The following NFIB variants were observed in gnomAD, a reference collection of about 807,000 sequenced individuals.
NFIB encodes the protein nuclear factor 1 B-type.
A neutral mutation model predicts 61.5 loss-of-function variants in NFIB; 11 were observed. The observed-to-expected ratio is 0.18, with a 90% confidence interval of 0.11 to 0.30. The LOEUF (loss-of-function observed/expected upper bound fraction) is 0.30. Ranked by LOEUF, NFIB falls within the 10% of genes least tolerant of loss-of-function variation. The pLI, the probability that NFIB is intolerant of heterozygous loss-of-function variation, is 1.00. For synonymous variants in NFIB, 260 were observed against 216.5 expected (o/e 1.20, Z -1.76); for missense variants, 471 against 608.9 (o/e 0.77, Z 2.38).
the NFIB span, among the ~76,000 whole-genome samples, chr9:14,465,615 C>G: frequency 6.9e-5 from 10 of 145,872 alleles, no homozygotes; most frequent in African/African-American, 2.7e-4. Flanking sequence ...ACACGCCCTA[C>G]CCCCTGCAGC....
chr9:14,500,533 AT>A, the NFIB span, among the ~76,000 whole-genome samples: 1 of 152,164 alleles, frequency 6.6e-6, no homozygotes, highest in Non-Finnish European at 1.5e-5. Context: ...ACACCCTCTT[AT>A]AAAGAGTCAC....
chr9:14,102,368 A>AG, intron 10 of NFIB: 1 of 1,431,984 alleles, frequency 7.0e-7, no homozygotes, highest in Non-Finnish European at 9.6e-7. Flanking sequence ...CAAACACTAT[A>AG]GCTCATGTAA....
chr9:14,299,207 T>C (rs765062423), intron 2 of NFIB, among the ~76,000 whole-genome samples: 3 of 152,192 alleles, frequency 2.0e-5, no homozygotes, highest in Non-Finnish European at 4.4e-5. Flanking sequence ...AGATTTTTTG[T>C]CCCAAGCTCT....
the NFIB span, among the ~76,000 whole-genome samples, chr9:14,423,328 G>C: frequency 6.6e-6 from 1 of 152,182 alleles, no homozygotes; most frequent in Non-Finnish European, 1.5e-5. Flanking sequence ...CTGTTTTCCT[G>C]TGTGCTCAGA....
intron 1 of NFIB, among the ~76,000 whole-genome samples, chr9:14,344,966 C>G (rs2061001629): frequency 6.6e-6 from 1 of 152,102 alleles, no homozygotes; most frequent in African/African-American, 2.4e-5. Context: ...TCCCACACCC[C>G]TACAGCCTAG....
At chr9:14,531,225 C>A in the NFIB span, among the ~76,000 whole-genome samples, 1 of 152,190 alleles carries the variant, frequency 6.6e-6, no homozygotes, top group African/African-American at 2.4e-5. Flanking sequence ...TCACCAATAT[C>A]CCTCCCTGAA....
chr9:14,115,620 TA>T (rs1357683375), intron 9 of NFIB, among the ~76,000 whole-genome samples: 2 of 151,356 alleles, frequency 1.3e-5, no homozygotes, highest in African/African-American at 2.4e-5. Flanking sequence ...CAAAAGGTTT[TA>T]AAAAAAAAGC....
the NFIB span, among the ~76,000 whole-genome samples, chr9:14,485,362 C>G: frequency 6.6e-6 from 1 of 152,148 alleles, no homozygotes; most frequent in East Asian, 1.9e-4. Flanking sequence ...ATTTTGTCCT[C>G]CAGCAAGATT....
chr9:14,317,962 A>C (rs1428430518), upstream of NFIB, among the ~76,000 whole-genome samples: 6 of 152,174 alleles, frequency 3.9e-5, no homozygotes, highest in Admixed American at 3.9e-4. Flanking sequence ...AAAGCTTCTG[A>C]TAGTATCAAA....
chr9:14,112,193 C>G (rs950464573), intron 10 of NFIB, among the ~76,000 whole-genome samples: 5 of 152,188 alleles, frequency 3.3e-5, no homozygotes, highest in Non-Finnish European at 7.3e-5. Context: ...AACTTGAGAG[C>G]AGCAAACATA....
chr9:14,319,221 G>A (rs1475461619), intron 1 of NFIB, among the ~76,000 whole-genome samples: 3 of 150,496 alleles, frequency 2.0e-5, no homozygotes, highest in African/African-American at 7.3e-5. Flanking sequence ...CACTAAGTGT[G>A]TCTACATTTC....
intron 2 of NFIB, among the ~76,000 whole-genome samples, chr9:14,194,953 T>TTC (rs144308047): frequency 0.016 from 2,472 of 150,520 alleles, 56 homozygotes; most frequent in African/African-American, 0.05. Context: ...CCAGCACACA[T>TTC]TCTCTCTCTC....
chr9:14,152,478 T>A (rs1393252694), intron 4 of NFIB, among the ~76,000 whole-genome samples: 1 of 152,062 alleles, frequency 6.6e-6, no homozygotes, highest in Admixed American at 6.6e-5. Context: ...GGGGCTCAAG[T>A]GAAGTAAACA....
At chr9:14,167,101 C>A (rs1302815046) in intron 3 of NFIB, among the ~76,000 whole-genome samples, 2 of 149,742 alleles carry the variant, frequency 1.3e-5, no homozygotes, top group Non-Finnish European at 3.0e-5. Context: ...GGGGGTTCCC[C>A]TTTTTAACAT....
upstream of NFIB, among the ~76,000 whole-genome samples, chr9:14,401,488 C>T (rs1170705354): frequency 6.6e-6 from 1 of 152,210 alleles, no homozygotes; most frequent in Non-Finnish European, 1.5e-5. Flanking sequence ...CAGCGTCTAT[C>T]TTACTCAAGT....
chr9:14,374,577 G>A (rs2061395417), intron 1 of NFIB, among the ~76,000 whole-genome samples: 2 of 152,200 alleles, frequency 1.3e-5, no homozygotes, highest in Non-Finnish European at 2.9e-5. Context: ...CAGCTCAGGA[G>A]TTGCTCTAAA....
chr9:14,128,527 G>A (rs138933558), intron 6 of NFIB, among the ~76,000 whole-genome samples: 6,119 of 151,966 alleles, frequency 0.04, 170 homozygotes, highest in Middle Eastern at 0.1. Flanking sequence ...GTGAAACCCC[G>A]TCTGTACTAA....
the NFIB span, among the ~76,000 whole-genome samples, chr9:14,465,539 A>G: frequency 4.8e-4 from 73 of 151,726 alleles, no homozygotes; most frequent in African/African-American, 1.6e-3. Flanking sequence ...ACCGTCAACC[A>G]AAGCATATTT....
chr9:14,486,804 G>C, the NFIB span, among the ~76,000 whole-genome samples: 1 of 152,058 alleles, frequency 6.6e-6, no homozygotes, highest in Non-Finnish European at 1.5e-5. Context: ...TGGATGGTGG[G>C]ACAATAGGAA....
Sources: gnomAD v4.1 joint callset for allele counts (sites outside exome capture counted in the v4.1 genomes callset) on GRCh38, gnomAD v4.1.1 for gene constraint, MANE v1.5 for transcripts, NCBI Gene and HGNC (gene_info 2026-07-23, HGNC 2026-07-21) for gene names.